Variants in MGAT4A observed in about 807,000 individuals in gnomAD.
MGAT4A encodes the protein alpha-1,3-mannosyl-glycoprotein 4-beta-N-acetylglucosaminyltransferase A.
In MGAT4A, 33 loss-of-function variants were observed where a neutral mutation model predicts 74.1. The observed-to-expected ratio is 0.45, with a 90% CI of 0.34 to 0.60. MGAT4A has a LOEUF of 0.60. Ranked by LOEUF, MGAT4A falls within the 20% of genes least tolerant of loss-of-function variation. The pLI, the probability that MGAT4A is intolerant of heterozygous loss-of-function variation, is 0.02. For synonymous variants in MGAT4A, 198 were observed against 210.4 expected, an observed-to-expected ratio of 0.94 and a Z score of 0.51; for missense variants, 479 against 628.3, an observed-to-expected ratio of 0.76 and a Z score of 2.54.
At chr2:98,677,402 AAAAGATG>A (rs1201038389) in intron 3 of MGAT4A, among the ~76,000 whole-genome samples, 1 of 152,240 alleles carries the variant, frequency 6.6e-6, no homozygotes, top group Non-Finnish European at 1.5e-5. Flanking sequence ...TCTCATTTTC[AAAAGATG>A]CACATTCTTC....
chr2:98,657,007 A>T (rs1701670496), intron 6 of MGAT4A, among the ~76,000 whole-genome samples: 1 of 152,148 alleles, frequency 6.6e-6, no homozygotes, highest in African/African-American at 2.4e-5. Flanking sequence ...GGTTGCCACA[A>T]CTGTGATCAG....
At chr2:98,683,880 T>C (rs1244857193) in intron 2 of MGAT4A, among the ~76,000 whole-genome samples, 1 of 152,134 alleles carries the variant, frequency 6.6e-6, no homozygotes, top group Non-Finnish European at 1.5e-5. Context: ...TCACAGGTAT[T>C]TAGTTTCTAG....
chr2:98,710,065 A>C (rs1041076856), intron 2 of MGAT4A, among the ~76,000 whole-genome samples: 2 of 152,178 alleles, frequency 1.3e-5, no homozygotes, highest in East Asian at 3.9e-4. Context: ...ACCATTTCCC[A>C]AAAACAACAG....
In MGAT4A at chr2:98,621,538, C is replaced by A; in HGVS notation, c.*4028G>T. On this transcript the variant is annotated 3_prime_UTR_variant, in exon 16 of 16. Coordinates refer to ENST00000393487, the MANE Select transcript of MGAT4A (RefSeq NM_012214.3). ...AGGAGTCACAAGATTTGATTAGCCA[C>A]CCCCAGACAGTCTTCCTTTTGCTAC... The A allele has an allele frequency of 6.4e-7, 1 of 1,551,040 alleles. No individual in the cohort carries two copies. Among genetic ancestry groups the A allele is most frequent in the Non-Finnish European group, 8.7e-7 (1 of 1,146,616 alleles).
chr2:98,701,702 AG>A (rs1702358641), intron 2 of MGAT4A, among the ~76,000 whole-genome samples: 1 of 152,144 alleles, frequency 6.6e-6, no homozygotes, highest in Non-Finnish European at 1.5e-5. Flanking sequence ...CATATCAGCA[AG>A]AAAGGCTGCT....
At chr2:98,642,428 G>A (rs1318823611) in intron 10 of MGAT4A, among the ~76,000 whole-genome samples, 1 of 152,212 alleles carries the variant, frequency 6.6e-6, no homozygotes, top group Non-Finnish European at 1.5e-5. Flanking sequence ...AGCAACTGAA[G>A]AATTAGAGGC....
intron 8 of MGAT4A, among the ~76,000 whole-genome samples, chr2:98,650,155 AC>A (rs1412132129): frequency 1.3e-5 from 2 of 152,228 alleles, no homozygotes; most frequent in Non-Finnish European, 2.9e-5. Flanking sequence ...CACTAGAAGG[AC>A]TAAACAGCAG....
At chr2:98,728,168 A>C (rs1702792169) in intron 1 of MGAT4A, among the ~76,000 whole-genome samples, 1 of 152,234 alleles carries the variant, frequency 6.6e-6, no homozygotes, top group South Asian at 2.1e-4. Context: ...GAAATTTTCA[A>C]AGTGTATGTT....
chr2:98,703,037 G>A (rs1559172877), intron 2 of MGAT4A, among the ~76,000 whole-genome samples: 1 of 152,176 alleles, frequency 6.6e-6, no homozygotes, highest in Non-Finnish European at 1.5e-5. Flanking sequence ...ATAAAATTCT[G>A]GCAGTCAGTG....
At chr2:98,711,398 A>G (rs1702517373) in intron 2 of MGAT4A, among the ~76,000 whole-genome samples, 1 of 152,132 alleles carries the variant, frequency 6.6e-6, no homozygotes, top group Non-Finnish European at 1.5e-5. Context: ...ATGGTCCCAG[A>G]AGACACTCAC....
intron 5 of MGAT4A, 64 bp from the exon 6 acceptor site, chr2:98,658,328 G>T: frequency 1.2e-6 from 1 of 863,736 alleles, no homozygotes; most frequent in East Asian, 2.8e-5. Context: ...TGTTAATACT[G>T]AACTCGAAAT....
At chr2:98,627,380 T>C (rs1438055941) in intron 14 of MGAT4A, among the ~76,000 whole-genome samples, 1 of 150,096 alleles carries the variant, frequency 6.7e-6, no homozygotes, top group Non-Finnish European at 1.5e-5. Context: ...ACTAGTTTTC[T>C]TTTTTTTTTC....
chr2:98,665,736 G>A (rs1053127316), intron 4 of MGAT4A, among the ~76,000 whole-genome samples: 3 of 152,270 alleles, frequency 2.0e-5, no homozygotes, highest in African/African-American at 7.2e-5. Context: ...TCAGAGTGAT[G>A]AATGGGGAGG....
At chr2:98,689,103 T>C (rs1368463769) in intron 2 of MGAT4A, among the ~76,000 whole-genome samples, 1 of 152,218 alleles carries the variant, frequency 6.6e-6, no homozygotes, top group African/African-American at 2.4e-5. Context: ...ATCACCACTA[T>C]TATATCATCT....
chr2:98,711,176 T>C (rs1015757735), intron 2 of MGAT4A, among the ~76,000 whole-genome samples: 2 of 148,840 alleles, frequency 1.3e-5, no homozygotes, highest in Non-Finnish European at 3.0e-5. Context: ...TGCTATTCCA[T>C]AGGGGAAACA....
chr2:98,681,182 C>T (rs901201789), intron 2 of MGAT4A, among the ~76,000 whole-genome samples: 1 of 152,080 alleles, frequency 6.6e-6, no homozygotes, highest in Non-Finnish European at 1.5e-5. Context: ...GGTGTTTCAC[C>T]GTGTTAGCCA....
chr2:98,630,353 T>C (rs921410280), intron 14 of MGAT4A, among the ~76,000 whole-genome samples: 2 of 152,190 alleles, frequency 1.3e-5, no homozygotes, highest in Admixed American at 6.5e-5. Context: ...AAGATATTTA[T>C]ATCAAACGTG....
chr2:98,678,243 A>ATATATAT (rs1425233300), intron 3 of MGAT4A, 61 bp downstream of exon 3: 2 of 372,476 alleles, frequency 5.4e-6, no homozygotes, highest in Admixed American at 6.9e-5. Flanking sequence ...GAAAAAAAAA[A>ATATATAT]AAAAAAATAT....
At chr2:98,685,277 T>C (rs1457388940) in intron 2 of MGAT4A, among the ~76,000 whole-genome samples, 3 of 151,096 alleles carry the variant, frequency 2.0e-5, no homozygotes, top group Non-Finnish European at 4.4e-5. Context: ...TGGTTCAACC[T>C]CAGTACCACA....
Sources: allele counts gnomAD v4.1 joint callset (sites outside exome capture counted in the v4.1 genomes callset), GRCh38; gene constraint gnomAD v4.1.1; transcripts MANE v1.5; gene names NCBI Gene and HGNC (gene_info 2026-07-23, HGNC 2026-07-21).